LDHD: variants seen among roughly 807,000 people sequenced by gnomAD.
LDHD encodes lactate dehydrogenase D, also known as D-lactate dehydrogenase, mitochondrial.
In LDHD, 58 loss-of-function variants were observed where a neutral mutation model predicts 52.9. The observed-to-expected ratio is 1.10, with a 90% CI of 0.89 to 1.36. The LOEUF is 1.36. Ranked by LOEUF, LDHD falls within the 40% of genes most tolerant of loss-of-function variation. The probability of loss-of-function intolerance (pLI) is 0.00; values close to 1 mark genes in which losing one functional copy is unlikely to be tolerated. For synonymous variants in LDHD, 350 were observed against 288.6 expected, an observed-to-expected ratio of 1.21 and a Z score of -2.16; for missense variants, 747 against 668.0, an observed-to-expected ratio of 1.12 and a Z score of -1.30.
chr16:75,112,362 C>T lies in LDHD; in HGVS notation c.1449G>A (p.Val483=). Residue 483 remains valine, a synonymous_variant, in exon 11 of 11, where the codon GTG becomes GTA. Transcript: ENST00000450168. ...DPQGLMNPGK[V]L is the part of the protein sequence containing the mutation. ...CTAAGTGCTCAGACCCCCTTCACAGCACTTTGCCTGGATTCATGAGGCCTT... is the reference window on the plus strand; with the variant it reads ...CTAAGTGCTCAGACCCCCTTCACAGTACTTTGCCTGGATTCATGAGGCCTT... 1.2e-6 allele frequency: 2 copies of T among 1,609,916 alleles called. No individual in the cohort carries two copies. The highest frequency in any genetic ancestry group is 1.7e-6 in the Non-Finnish European group (2 of 1,177,358).
Position 75,113,779 on chromosome 16 carries a change from GC to G in LDHD, c.920del (p.Gly307AlafsTer16). The G allele has an allele frequency of 6.2e-7, 1 of 1,614,024 alleles. No individual in the cohort carries two copies. The highest frequency in any genetic ancestry group is 8.5e-7 in the Non-Finnish European group (1 of 1,180,014). On this transcript the variant is annotated frameshift_variant, in exon 7 of 11. Coordinates refer to ENST00000450168, the MANE Select transcript of LDHD (RefSeq NM_194436.3). LOFTEE classifies it high-confidence loss of function. ...VAPTLFLEFH[G>X]SQQALEEQLQ... ...GCTGCTCCTCCAGTGCCTGCTGGGA[GC>G]CATGGAACTCCAGGAAGAGTGTGGG...
In LDHD at chr16:75,114,865, T is replaced by C. The variant is rs1436733728; in HGVS notation, c.431A>G (p.Asn144Ser). 5.0e-6 allele frequency: 8 copies of C among 1,613,702 alleles called. No homozygotes were observed. Among genetic ancestry groups the C allele is most frequent in the Admixed American group, 1.7e-5 (1 of 59,966 alleles). Reference sequence around the variant, plus strand: ...GAGGCCGCTGTCCCGCAGGTGGGCGTTGAGGGCTTTGCGGGTGACACCTGG... The same window carrying C: ...GAGGCCGCTGTCCCGCAGGTGGGCGCTGAGGGCTTTGCGGGTGACACCTGG... ...VEPGVTRKAL[N>S]AHLRDSGLWF... is the part of the protein sequence containing the mutation. The change falls in exon 4 of 11, where the codon AAC becomes AGC. Residue 144 changes from asparagine (N) to serine (S), a missense_variant. Transcript: ENST00000450168.
intron 8 of LDHD, 142 bp downstream of exon 8, chr16:75,113,393 C>G (rs2036453427): frequency 9.9e-7 from 1 of 1,006,036 alleles, no homozygotes. Context: ...CGGTCTGCAG[C>G]CCTTGTTTCT....
Position 75,115,368 on chromosome 16 carries a change from G to T in LDHD, c.186-29C>A, listed in dbSNP as rs569028833. ...GAACCAGACCCTCAGCGATTTAGCGGGGCGTGACACCCTCTGGTCCCGAGG... is the reference window on the plus strand; with the variant it reads ...GAACCAGACCCTCAGCGATTTAGCGTGGCGTGACACCCTCTGGTCCCGAGG... On this transcript the variant is annotated intron_variant, in intron 2 of 10. Coordinates refer to ENST00000450168, the MANE Select transcript of LDHD (RefSeq NM_194436.3). 6.2e-6 allele frequency: 10 copies of T among 1,611,992 alleles called. No homozygotes were observed. The Admixed American group carries it at 1.5e-4, about 24-fold the overall frequency.
At chr16:75,112,760 T>C (rs1401375785) in intron 9 of LDHD, 47 bp from the exon 10 acceptor site, 4 of 1,599,172 alleles carry the variant, frequency 2.5e-6, no homozygotes, top group East Asian at 4.5e-5. Flanking sequence ...GTCCTCCTCT[T>C]GCCTCCTGCT....
Position 75,113,965 on chromosome 16 carries a change from C to T in LDHD, c.829+1G>A, listed in dbSNP as rs1364313982. On this transcript the variant is annotated splice_donor_variant, in intron 6 of 10. Transcript: ENST00000450168. LOFTEE classifies it high-confidence loss of function. Reference sequence around the variant, plus strand: ...CCTGACTGCCCCCATCCTCAGCTCACCAATGCGGGCTACGGGCACTGCAGC... The same window carrying T: ...CCTGACTGCCCCCATCCTCAGCTCATCAATGCGGGCTACGGGCACTGCAGC... 6.2e-7 allele frequency: 1 copy of T among 1,600,522 alleles called. No individual in the cohort carries two copies. The highest frequency in any genetic ancestry group is 1.3e-5 in the African/African-American group (1 of 74,738).
At chr16:75,115,389 C>A in intron 2 of LDHD, 50 bp from the exon 3 acceptor site, 3 of 1,608,764 alleles carry the variant, frequency 1.9e-6, no homozygotes, top group Non-Finnish European at 2.5e-6. Context: ...CCTCTGGTCC[C>A]GAGGTGTTGC....
At position 75,115,345 on chromosome 16, in the gene LDHD, ACCAGAC is replaced by A; in HGVS notation, c.186-12_186-7del. 1 of 1,613,298 alleles carries A rather than the reference ACCAGAC, an allele frequency of 6.2e-7. No individual in the cohort carries two copies. The highest frequency in any genetic ancestry group is 8.5e-7 in the Non-Finnish European group (1 of 1,179,900). On this transcript the variant is annotated splice_region_variant and splice_polypyrimidine_tract_variant and intron_variant, in intron 2 of 10. Coordinates refer to ENST00000450168, the MANE Select transcript of LDHD (RefSeq NM_194436.3). ...CAGCATCAGGAGGTTCGCACCTAGA[ACCAGAC>A]CCTCAGCGATTTAGCGGGGCGTGAC...
Position 75,115,556 on chromosome 16 carries a change from C to A in LDHD, c.177G>T (p.Ser59=). Residue 59 remains serine, a synonymous_variant, in exon 2 of 11, where the codon TCG becomes TCT. Transcript: ENST00000450168. ...CGCGAACCCTCCCATACCTGTGCAC[C>A]GACTCATCGCGCCCGTGCTGCTCTC... ...VVREQHGRDE[S]VHRCEPPDAV... is the part of the protein sequence containing the mutation. 1.2e-6 allele frequency: 2 copies of A among 1,612,822 alleles called. No individual in the cohort carries two copies. The highest frequency in any genetic ancestry group is 1.7e-6 in the Non-Finnish European group (2 of 1,179,796).
Position 75,113,581 on chromosome 16 carries a change from C to T in LDHD, c.1040G>A (p.Arg347Gln), listed in dbSNP as rs757431881. 8.1e-6 allele frequency: 13 copies of T among 1,613,026 alleles called. No individual in the cohort carries two copies. The highest frequency in any genetic ancestry group is 3.3e-5 in the South Asian group (3 of 91,080). ...CAGGGCTGCGTACCAGGCATTGTGC[C>T]GTGCTGTCCAAAGCCGGCTGCGCTC... ...AEERSRLWTA[R>Q]HNAWYAALAT... Residue 347 changes from arginine to glutamine, a missense_variant, in exon 8 of 11, where the codon CGG becomes CAG. Transcript: ENST00000450168.
intron 7 of LDHD, 28 bp from the exon 8 acceptor site, chr16:75,113,690 C>G (rs200168856): frequency 1.1e-5 from 18 of 1,612,624 alleles, no homozygotes; most frequent in Non-Finnish European, 1.5e-5. Context: ...GGGCTGACAC[C>G]GGGCCGCCAC....
chr16:75,115,501 G>C (rs763956391), intron 2 of LDHD, 47 bp downstream of exon 2: 2 of 1,592,174 alleles, frequency 1.3e-6, no homozygotes, highest in South Asian at 1.1e-5. Context: ...CTCTCAGCTG[G>C]GGTTGAATCC....
chr16:75,116,597 C>A, intron 1 of LDHD, 52 bp downstream of exon 1: 1 of 1,470,006 alleles, frequency 6.8e-7, no homozygotes, highest in South Asian at 1.2e-5. Flanking sequence ...GAACCCCCTG[C>A]TCCCCGCTCC....
rs1332133197 is a variant in LDHD at position 75,115,256 on chromosome 16, A to G, written c.269T>C (p.Val90Ala). The change falls in exon 3 of 11, where the codon GTG becomes GCG. Residue 90 changes from valine to alanine, a missense_variant. By Grantham distance (64) the Val-to-Ala change is moderately conservative. Transcript: ENST00000450168. Reference sequence around the variant, plus strand: ...GCCGGTGCCGAATGGGATGATGGGCACACCTTGGCGATAGCACAGGGCTGC... The same window carrying G: ...GCCGGTGCCGAATGGGATGATGGGCGCACCTTGGCGATAGCACAGGGCTGC... ...RLAALCYRQG[V>A]PIIPFGTGTG... 1 of 1,613,318 alleles carries G rather than the reference A, an allele frequency of 6.2e-7. No individual in the cohort carries two copies. The highest frequency in any genetic ancestry group is 8.5e-7 in the Non-Finnish European group (1 of 1,180,024).
chr16:75,112,737 A>G (rs775684213), intron 9 of LDHD, 24 bp from the exon 10 acceptor site: 1 of 1,607,534 alleles, frequency 6.2e-7, no homozygotes, highest in Middle Eastern at 1.7e-4. Context: ...GGACAGAACT[A>G]TTCTCCAGCC....
At chr16:75,114,722 G>A (rs1329319506) in intron 4 of LDHD, 37 bp from the exon 5 acceptor site, 4 of 1,546,506 alleles carry the variant, frequency 2.6e-6, no homozygotes, top group South Asian at 2.4e-5. Context: ...CTCAGGGACC[G>A]GAGGTCCTTT....
At position 75,113,836 on chromosome 16, in the gene LDHD, G is replaced by A; in HGVS notation, c.864C>T (p.Asn288=). 1 of 1,614,060 alleles carries A rather than the reference G, an allele frequency of 6.2e-7. No individual in the cohort carries two copies. The highest frequency in any genetic ancestry group is 8.5e-7 in the Non-Finnish European group (1 of 1,180,024). Residue 288 remains asparagine, a synonymous_variant, in exon 7 of 11, where the codon AAC becomes AAT. Coordinates refer to ENST00000450168, the MANE Select transcript of LDHD (RefSeq NM_194436.3). ...FLDEVMMDAC[N]RYSKLNCLVA... is the part of the protein sequence containing the mutation. ...CTAAGCAATTCAGCTTGCTGTACCT[G>A]TTGCAGGCATCCATCATGACTTCAT...
At position 75,115,634 on chromosome 16, in the gene LDHD, C is replaced by G. The variant is rs1255873445; in HGVS notation, c.99G>C (p.Glu33Asp). ...AGCCGCCCACCACGGCCTTCAGAGC[C>G]TCTACGAAGTCCCTGCAGAGCTCTC... ...AKGELCRDFV[E>D]ALKAVVGGSH... The change falls in exon 2 of 11, where the codon GAG becomes GAC. Residue 33 changes from glutamate to aspartate, a missense_variant. By Grantham distance (45) the Glu-to-Asp change is conservative. Coordinates refer to ENST00000450168, the MANE Select transcript of LDHD (RefSeq NM_194436.3). 6.2e-7 allele frequency: 1 copy of G among 1,611,314 alleles called. No homozygotes were observed. Among genetic ancestry groups the G allele is most frequent in the East Asian group, 2.2e-5 (1 of 44,810 alleles).
At position 75,112,412 on chromosome 16, in the gene LDHD, G is replaced by C; in HGVS notation, c.1399C>G (p.Gln467Glu). 1 of 1,613,484 alleles carries C rather than the reference G, an allele frequency of 6.2e-7. No homozygotes were observed. Among genetic ancestry groups the C allele is most frequent in the Non-Finnish European group, 8.5e-7 (1 of 1,180,010 alleles). Residue 467 changes from glutamine (Q) to glutamate (E), a missense_variant, in exon 11 of 11, where the codon CAG becomes GAG. Transcript: ENST00000450168. ...VGAVGVETMR[Q>E]LKAVLDPQGL... is the part of the protein sequence containing the mutation. Reference sequence around the variant, plus strand: ...TGGGGGTCTAGCACGGCCTTGAGCTGCCGCATGGTCTCCACGCCCACGGCG... The same window carrying C: ...TGGGGGTCTAGCACGGCCTTGAGCTCCCGCATGGTCTCCACGCCCACGGCG...
Sources: gnomAD v4.1 joint callset for allele counts on GRCh38, gnomAD v4.1.1 for gene constraint, MANE v1.5 for transcripts, NCBI Gene and HGNC (gene_info 2026-07-23, HGNC 2026-07-21) for gene names.